Variants in ANKRD30B observed in about 807,000 individuals in gnomAD.
The protein encoded by ANKRD30B is ankyrin repeat domain 30B.
In ANKRD30B, 144 loss-of-function variants were observed where a neutral mutation model predicts 202.2. The ratio of observed to expected loss-of-function variants is 0.71; its 90% CI spans 0.62 to 0.82. The LOEUF is 0.82. ANKRD30B is among the 40% of genes least tolerant of loss of function. The probability of loss-of-function intolerance (pLI) is 0.00; values close to 1 mark genes in which losing one functional copy is unlikely to be tolerated. For missense variants in ANKRD30B, 1,487 were observed against 1,669.1 expected, an observed-to-expected ratio of 0.89 and a Z score of 1.90; for synonymous variants, 508 against 561.3, an observed-to-expected ratio of 0.91 and a Z score of 1.34.
Position 14,828,426 on chromosome 18 carries a change from T to A in ANKRD30B, c.2774+118T>A, listed in dbSNP as rs933620419. On this transcript the variant is annotated intron_variant, in intron 33 of 43. Transcript: ENST00000690538. ...GACAACGTATTATGTGCTTAATATTTATCATCTCACATAGTCATCACACAG... is the reference window on the plus strand; with the variant it reads ...GACAACGTATTATGTGCTTAATATTAATCATCTCACATAGTCATCACACAG... 8.2e-6 allele frequency: 6 copies of A among 727,968 alleles called. No individual in the cohort carries two copies. The Admixed American group carries it at 1.9e-4, about 24-fold the overall frequency. 45.1% of individuals were successfully genotyped at this position (727,968 alleles called of 1,614,324 possible).
the ANKRD30B span, among the ~76,000 whole-genome samples, chr18:14,886,112 T>C: frequency 6.6e-6 from 1 of 151,864 alleles, no homozygotes; most frequent in Non-Finnish European, 1.5e-5. Context: ...TGCCAAGACA[T>C]AGTCACATTT....
chr18:14,873,861 A>G, the ANKRD30B span, among the ~76,000 whole-genome samples: 11 of 152,166 alleles, frequency 7.2e-5, no homozygotes, highest in Admixed American at 5.9e-4. Context: ...AATGGGTTCC[A>G]TTTAACTCGG....
Position 14,807,784 on chromosome 18 carries a change from G to C in ANKRD30B, c.2285-767G>C, listed in dbSNP as rs114134448. ...TGGCCTTGAGAGATCCACCCTCTTC[G>C]GGTTTCCAAGGTTCTGGAGATACAG... is the stretch of plus-strand genomic sequence containing the variant. On this transcript the variant is annotated intron_variant, in intron 24 of 43. Coordinates refer to ENST00000690538, the MANE Select transcript of ANKRD30B (RefSeq NM_001367607.2). Among the ~76,000 whole-genome samples the C allele has an allele frequency of 1.7e-4, 26 of 150,934 alleles. 1 individual carries two copies. The East Asian group carries it at 5.0e-3, about 29-fold the overall frequency.
At chr18:14,784,426 A>G (rs755124784) in intron 13 of ANKRD30B, 37 bp from the exon 14 acceptor site, 6 of 1,612,594 alleles carry the variant, frequency 3.7e-6, no homozygotes, top group Non-Finnish European at 5.1e-6. Flanking sequence ...TGAAGTACAC[A>G]TTCTTTATTG....
chr18:14,914,562 T>C, the ANKRD30B span, among the ~76,000 whole-genome samples: 1,814 of 152,302 alleles, frequency 0.012, 119 homozygotes, highest in Admixed American at 0.1. Flanking sequence ...GATGGCTGTT[T>C]GGGCAAGAAT....
intron 20 of ANKRD30B, among the ~76,000 whole-genome samples, 194 bp downstream of exon 20, chr18:14,798,048 C>G (rs1969040087): frequency 6.6e-6 from 1 of 152,084 alleles, no homozygotes; most frequent in Non-Finnish European, 1.5e-5. Context: ...TAAAAAAATT[C>G]AGCTTTGCCT....
At chr18:14,796,158 G>A (rs1333076217) in intron 16 of ANKRD30B, 63 bp from the exon 17 acceptor site, 28 of 1,451,186 alleles carry the variant, frequency 1.9e-5, no homozygotes, top group South Asian at 4.6e-5. Flanking sequence ...CACATTGTAC[G>A]AATGCTTGGT....
At chr18:14,772,005 G>A in intron 8 of ANKRD30B, 151 bp from the exon 9 acceptor site, 1 of 417,650 alleles carries the variant, frequency 2.4e-6, no homozygotes, top group Non-Finnish European at 4.2e-6. Context: ...ATTCTACCAA[G>A]AAACATGATA....
rs899476871 is a variant in ANKRD30B at position 14,854,478 on chromosome 18, A to T, written c.*320A>T. Among the ~76,000 whole-genome samples the T allele has an allele frequency of 2.0e-5, 3 of 152,170 alleles. No individual in the cohort carries two copies. The highest frequency in any genetic ancestry group is 7.2e-5 in the African/African-American group (3 of 41,444). The stretch of plus-strand genomic sequence containing the variant: ...CACAAGACCAGTCTTTGCTCCAGAA[A>T]TGAATCCTTATCATGAATCCCTGAC... On this transcript the variant is annotated 3_prime_UTR_variant, in exon 44 of 44. Transcript: ENST00000690538.
chr18:14,765,117 TGGTATAA>T (rs1454350185), intron 7 of ANKRD30B, among the ~76,000 whole-genome samples: 5 of 152,046 alleles, frequency 3.3e-5, no homozygotes, highest in African/African-American at 1.2e-4. Context: ...ATTCTGGTCG[TGGTATAA>T]GGCAGAGATT....
the ANKRD30B span, among the ~76,000 whole-genome samples, chr18:14,936,757 A>G: frequency 6.6e-6 from 1 of 152,210 alleles, no homozygotes; most frequent in Non-Finnish European, 1.5e-5. Context: ...CTGGAGAAAC[A>G]GTAGGGATCA....
intron 7 of ANKRD30B, among the ~76,000 whole-genome samples, chr18:14,764,738 C>G (rs1202829585): frequency 1.3e-5 from 2 of 152,108 alleles, no homozygotes; most frequent in Non-Finnish European, 2.9e-5. Context: ...TCATCATGCT[C>G]TCTCAAGACA....
chr18:14,906,342 T>C, the ANKRD30B span, among the ~76,000 whole-genome samples: 1 of 152,174 alleles, frequency 6.6e-6, no homozygotes, highest in East Asian at 1.9e-4. Flanking sequence ...CAAAATCTTA[T>C]AATAAAAATC....
rs1969724626 is a variant in ANKRD30B at position 14,808,825 on chromosome 18, G to A, written c.2386+81G>A. 3 of 1,311,960 alleles carry A rather than the reference G, an allele frequency of 2.3e-6. 1 individual carries two copies. The highest frequency in any genetic ancestry group is 3.1e-6 in the Non-Finnish European group (3 of 974,166). The allele number at this position is 1,311,960 out of a possible 1,614,324, so 81.3% of individuals were successfully genotyped here. A position where few individuals can be genotyped will look rare whatever the true frequency, so the allele number is the denominator to read the frequency against. On this transcript the variant is annotated intron_variant, in intron 26 of 43. Coordinates refer to ENST00000690538, the MANE Select transcript of ANKRD30B (RefSeq NM_001367607.2). ...ATGCCAAGAGCCTTTTATTCCCAAT[G>A]TTGTTTTCTTTAGAAAATTTGGTGG...
At chr18:14,795,013 C>T (rs34761123) in intron 16 of ANKRD30B, among the ~76,000 whole-genome samples, 1 of 152,172 alleles carries the variant, frequency 6.6e-6, no homozygotes, top group Non-Finnish European at 1.5e-5. Flanking sequence ...ATAACAGTGG[C>T]TTAACAACTC....
the ANKRD30B span, among the ~76,000 whole-genome samples, chr18:14,901,555 G>GT: frequency 0.12 from 17,685 of 148,426 alleles, 1,189 homozygotes; most frequent in Non-Finnish European, 0.15. Context: ...TCAAGACAAA[G>GT]TTTTTTTTTT....
At chr18:14,755,960 A>T (rs1914287030) in intron 4 of ANKRD30B, among the ~76,000 whole-genome samples, 1 of 152,164 alleles carries the variant, frequency 6.6e-6, no homozygotes, top group Admixed American at 6.5e-5. Flanking sequence ...CTAGTTCTAG[A>T]TCCCTGAGGA....
chr18:14,829,362 T>C (rs1970805271), intron 33 of ANKRD30B, among the ~76,000 whole-genome samples: 1 of 152,208 alleles, frequency 6.6e-6, no homozygotes, highest in Non-Finnish European at 1.5e-5. Context: ...CAAAGCCCAT[T>C]ACTCTTGTTT....
the ANKRD30B span, among the ~76,000 whole-genome samples, chr18:14,875,626 C>A: frequency 6.6e-6 from 1 of 152,312 alleles, no homozygotes; most frequent in Admixed American, 6.5e-5. Context: ...TTCTACCTTA[C>A]ATCTTTATAC....
Sources: gnomAD v4.1 joint callset for allele counts (sites outside exome capture counted in the v4.1 genomes callset) on GRCh38, gnomAD v4.1.1 for gene constraint, MANE v1.5 for transcripts, NCBI Gene and HGNC (gene_info 2026-07-23, HGNC 2026-07-21) for gene names.